The following ARHGEF16 variants were observed in gnomAD, a reference collection of about 807,000 sequenced individuals.
The protein encoded by ARHGEF16 is Rho guanine nucleotide exchange factor 16, also known as Rho guanine exchange factor (GEF) 16.
Under a neutral mutation model 74.1 loss-of-function variants are expected in ARHGEF16, and 59 were observed. The observed-to-expected ratio is 0.80, with a 90% CI of 0.65 to 0.99. The LOEUF is 0.99. Among genes scored for constraint, ARHGEF16 ranks in the 50% least tolerant of loss-of-function variants. The pLI is 0.00. For missense variants in ARHGEF16, 948 were observed against 986.6 expected, an observed-to-expected ratio of 0.96 and a Z score of 0.52; for synonymous variants, 415 against 412.6, an observed-to-expected ratio of 1.01 and a Z score of -0.07.
intron 10 of ARHGEF16, among the ~76,000 whole-genome samples, chr1:3,476,599 C>G (rs752297137): frequency 2.0e-5 from 3 of 152,054 alleles, no homozygotes; most frequent in African/African-American, 7.2e-5. Context: ...GCTCATACCT[C>G]TCCCTCCAGA....
intron 2 of ARHGEF16, among the ~76,000 whole-genome samples, chr1:3,464,246 C>T (rs543619686): frequency 6.6e-6 from 1 of 152,336 alleles, no homozygotes; most frequent in East Asian, 1.9e-4. Flanking sequence ...TGTAGCCTGA[C>T]TGCATGTGTC....
At chr1:3,477,147 G>A (rs1348309244) in intron 10 of ARHGEF16, among the ~76,000 whole-genome samples, 2 of 151,704 alleles carry the variant, frequency 1.3e-5, no homozygotes, top group African/African-American at 4.8e-5. Context: ...CTCTGAGTCT[G>A]TAGTGGGCAC....
chr1:3,471,632 C>T (rs182434428), intron 6 of ARHGEF16: 91 of 1,185,966 alleles, frequency 7.7e-5, no homozygotes, highest in African/African-American at 1.8e-4. Context: ...CTGTGTCCTC[C>T]GGTCCCCTCT....
rs551559105 is a variant in ARHGEF16 at position 3,473,001 on chromosome 1, G to A, written c.1023-77G>A. ...CCATGTATGTGTGAGTGTGCATGCA[G>A]ATGCATGTCTGTGTGTGCACACGTG... On this transcript the variant is annotated intron_variant, in intron 6 of 14. Coordinates refer to ENST00000378378, the MANE Select transcript of ARHGEF16 (RefSeq NM_014448.4). The A allele has an allele frequency of 8.9e-5, 134 of 1,497,770 alleles. No homozygotes were observed. In the African/African-American group the frequency reaches 1.7e-3, roughly 19 times the overall value. The allele number at this position is 1,497,770 out of a possible 1,614,324, so 92.8% of individuals were successfully genotyped here.
At chr1:3,478,108 G>A in intron 11 of ARHGEF16, 82 bp downstream of exon 11, 1 of 1,589,360 alleles carries the variant, frequency 6.3e-7, no homozygotes, top group Non-Finnish European at 8.6e-7. Flanking sequence ...GGTACAGGGA[G>A]TTGGCCCTGA....
At chr1:3,464,564 A>G (rs907971501) in intron 2 of ARHGEF16, among the ~76,000 whole-genome samples, 9 of 152,170 alleles carry the variant, frequency 5.9e-5, no homozygotes, top group Non-Finnish European at 8.8e-5. Context: ...TCAAGAATGC[A>G]GAGCAGATGC....
At chr1:3,467,665 G>C (rs549057825) in intron 4 of ARHGEF16, among the ~76,000 whole-genome samples, 2 of 152,216 alleles carry the variant, frequency 1.3e-5, no homozygotes, top group Admixed American at 6.5e-5. Flanking sequence ...AATGATCTGC[G>C]TAGGGAGACA....
At chr1:3,480,374 G>A (rs1640021538) in intron 14 of ARHGEF16, 74 bp from the exon 15 acceptor site, 3 of 1,583,898 alleles carry the variant, frequency 1.9e-6, no homozygotes, top group Non-Finnish European at 2.6e-6. Context: ...GGTGTGCTCA[G>A]GCATAGCAGC....
chr1:3,480,336 T>G, intron 14 of ARHGEF16, 112 bp from the exon 15 acceptor site: 1 of 1,439,816 alleles, frequency 6.9e-7, no homozygotes, highest in East Asian at 2.3e-5. Flanking sequence ...CAGGAGCAGG[T>G]GGTCAGTTCT....
At chr1:3,463,932 C>G (rs1171240869) in intron 2 of ARHGEF16, among the ~76,000 whole-genome samples, 1 of 152,250 alleles carries the variant, frequency 6.6e-6, no homozygotes, top group Admixed American at 6.5e-5. Flanking sequence ...CGCTCCCAGC[C>G]TTGGTGGAGG....
At chr1:3,467,122 T>G in intron 3 of ARHGEF16, 46 bp from the exon 4 acceptor site, 1 of 1,522,438 alleles carries the variant, frequency 6.6e-7, no homozygotes, top group Non-Finnish European at 8.9e-7. Flanking sequence ...AGGCGCAGCC[T>G]TTTGCAATCC....
intron 1 of ARHGEF16, among the ~76,000 whole-genome samples, chr1:3,455,618 C>T (rs552350707): frequency 6.6e-6 from 1 of 152,256 alleles, no homozygotes; most frequent in East Asian, 1.9e-4. Context: ...AGGCCTGAAT[C>T]TTCTCTGTGT....
At position 3,481,042 on chromosome 1, in the gene ARHGEF16, C is replaced by T. The variant is rs771809932; in HGVS notation, c.*455C>T. The T allele has an allele frequency of 1.0e-4, 17 of 164,622 alleles. No homozygotes were observed. Among genetic ancestry groups the T allele is most frequent in the African/African-American group, 2.1e-4 (9 of 41,916 alleles). The allele number at this position is 164,622 out of a possible 1,614,324, so 10.2% of individuals were successfully genotyped here. A position where few individuals can be genotyped will look rare whatever the true frequency, so the allele number is the denominator to read the frequency against. On this transcript the variant is annotated 3_prime_UTR_variant, in exon 15 of 15. Coordinates refer to ENST00000378378, the MANE Select transcript of ARHGEF16 (RefSeq NM_014448.4). ...CCCCACGTTCTGAGAAGGGGCCGGCCGGAGGGAGGGGACCCGGCAGGGAGA... is the reference window on the plus strand; with the variant it reads ...CCCCACGTTCTGAGAAGGGGCCGGCTGGAGGGAGGGGACCCGGCAGGGAGA...
chr1:3,467,134 C>G, intron 3 of ARHGEF16, 34 bp from the exon 4 acceptor site: 1 of 1,536,206 alleles, frequency 6.5e-7, no homozygotes, highest in East Asian at 2.5e-5. Flanking sequence ...TTGCAATCCC[C>G]CAGGGCCACA....
chr1:3,472,089 C>T (rs1639741606), intron 6 of ARHGEF16, among the ~76,000 whole-genome samples: 1 of 152,232 alleles, frequency 6.6e-6, no homozygotes, highest in African/African-American at 2.4e-5. Context: ...TCCCGCCCAC[C>T]TCCACGCTGG....
In ARHGEF16 at chr1:3,473,447, GTGCGGGGGCC is replaced by G; in HGVS notation, c.1234_1243del (p.Gly412ProfsTer6). On this transcript the variant is annotated frameshift_variant, in exon 8 of 15. Transcript: ENST00000378378. LOFTEE classifies it high-confidence loss of function. ...TGAGAGAGATTGAGAGGCGGCCGGCGTGCGGGGGCCTGCCCATGCTCTCCTTCCTGATCCT... is the reference window on the plus strand; with the variant it reads ...TGAGAGAGATTGAGAGGCGGCCGGCGTGCCCATGCTCTCCTTCCTGATCCT... 1 of 1,612,594 alleles carries G rather than the reference GTGCGGGGGCC, an allele frequency of 6.2e-7. No homozygotes were observed. Among genetic ancestry groups the G allele is most frequent in the Non-Finnish European group, 8.5e-7 (1 of 1,179,954 alleles).
intron 5 of ARHGEF16, 29 bp downstream of exon 5, chr1:3,468,965 C>G (rs1220475073): frequency 6.5e-7 from 1 of 1,548,744 alleles, no homozygotes; most frequent in African/African-American, 1.4e-5. Flanking sequence ...GGAGGGCTGT[C>G]CCCCATGGCC....
intron 1 of ARHGEF16, among the ~76,000 whole-genome samples, chr1:3,456,889 C>G (rs1462236459): frequency 1.3e-5 from 2 of 152,200 alleles, no homozygotes; most frequent in African/African-American, 4.8e-5. Context: ...CCAGCTATGT[C>G]CAGGTGGGAG....
intron 10 of ARHGEF16, among the ~76,000 whole-genome samples, chr1:3,476,488 G>A (rs987486474): frequency 1.3e-5 from 2 of 152,158 alleles, no homozygotes; most frequent in Non-Finnish European, 2.9e-5. Context: ...TTCAGGGCCA[G>A]CCCAGATTCC....
Sources: allele counts gnomAD v4.1 joint callset (sites outside exome capture counted in the v4.1 genomes callset), GRCh38; gene constraint gnomAD v4.1.1; transcripts MANE v1.5; gene names NCBI Gene and HGNC (gene_info 2026-07-23, HGNC 2026-07-21).